The following TMEM74 variants were observed in gnomAD, a reference collection of about 807,000 sequenced individuals.
TMEM74 encodes transmembrane protein 74.
In TMEM74, 13 loss-of-function variants were observed where a neutral mutation model predicts 18.1. The ratio of observed to expected loss-of-function variants is 0.72; its 90% CI spans 0.47 to 1.14. The LOEUF is 1.14. Ranked by LOEUF, TMEM74 falls within the 50% of genes most tolerant of loss-of-function variation. The probability of loss-of-function intolerance (pLI) is 0.00; values close to 1 mark genes in which losing one functional copy is unlikely to be tolerated. For missense variants in TMEM74, 372 were observed against 375.9 expected (o/e 0.99, Z 0.09); for synonymous variants, 159 against 146.6 (o/e 1.08, Z -0.61).
At chr8:108,627,808 T>C (rs1211534235) in intron 2 of TMEM74, among the ~76,000 whole-genome samples, 1 of 151,932 alleles carries the variant, frequency 6.6e-6, no homozygotes, top group Non-Finnish European at 1.5e-5. Context: ...ATCCCAGCAG[T>C]TTGGGAAGCT....
At chr8:108,657,860 ATATATATATATATATATAT>A (rs1411937082) in intron 1 of TMEM74, among the ~76,000 whole-genome samples, 5 of 45,636 alleles carry the variant, frequency 1.1e-4, no homozygotes, top group African/African-American at 2.0e-4. Flanking sequence ...AAAAAAAAAA[ATATATATATATATATATAT>A]ATATATATAT....
intron 1 of TMEM74, among the ~76,000 whole-genome samples, chr8:108,737,471 A>G (rs533590986): frequency 3.3e-5 from 5 of 152,128 alleles, no homozygotes; most frequent in Admixed American, 6.5e-5. Flanking sequence ...ATTATTTAAA[A>G]CCCAAGCATA....
chr8:108,706,302 T>C (rs1448408711), intron 1 of TMEM74, among the ~76,000 whole-genome samples: 1 of 152,256 alleles, frequency 6.6e-6, no homozygotes, highest in Non-Finnish European at 1.5e-5. Flanking sequence ...AATTAAGTTT[T>C]CATTCTTTAA....
intron 1 of TMEM74, among the ~76,000 whole-genome samples, chr8:108,669,035 G>A (rs1812976614): frequency 6.6e-6 from 1 of 151,880 alleles, no homozygotes; most frequent in South Asian, 2.1e-4. Flanking sequence ...TTATGACCAG[G>A]GAATCTTGGT....
At chr8:108,758,204 C>T (rs1814000185) in intron 1 of TMEM74, among the ~76,000 whole-genome samples, 1 of 151,670 alleles carries the variant, frequency 6.6e-6, no homozygotes, top group South Asian at 2.1e-4. Context: ...CAAAATAAAA[C>T]AAAACAGAAC....
chr8:108,652,724 C>A, intron 2 of TMEM74: 1 of 535,756 alleles, frequency 1.9e-6, no homozygotes, highest in Non-Finnish European at 3.5e-6. Context: ...GATCTCTAAG[C>A]AAAGAGATTC....
intron 2 of TMEM74, among the ~76,000 whole-genome samples, chr8:108,654,591 G>C (rs1463574397): frequency 6.6e-6 from 1 of 152,090 alleles, no homozygotes; most frequent in Non-Finnish European, 1.5e-5. Context: ...CAAGAAGAAG[G>C]AGAAGACCAG....
intron 1 of TMEM74, among the ~76,000 whole-genome samples, chr8:108,705,012 C>A (rs1813383351): frequency 6.6e-6 from 1 of 152,188 alleles, no homozygotes; most frequent in Admixed American, 6.5e-5. Context: ...TGTATGAGGG[C>A]AAATTTTACA....
chr8:108,754,615 A>AAAGAAACAGAGCC (rs1813937449), intron 1 of TMEM74, among the ~76,000 whole-genome samples: 1 of 151,852 alleles, frequency 6.6e-6, no homozygotes, highest in African/African-American at 2.4e-5. Flanking sequence ...AGGGTTCTCC[A>AAAGAAACAGAGCC]AAGAAACAGA....
At chr8:108,676,275 C>T (rs879458442) in intron 1 of TMEM74, among the ~76,000 whole-genome samples, 1 of 152,136 alleles carries the variant, frequency 6.6e-6, no homozygotes, top group Non-Finnish European at 1.5e-5. Flanking sequence ...AAGAGCTGCC[C>T]ATCTGCTTCG....
intron 1 of TMEM74, among the ~76,000 whole-genome samples, chr8:108,753,823 T>C (rs1586285044): frequency 6.6e-6 from 1 of 152,118 alleles, no homozygotes; most frequent in Admixed American, 6.6e-5. Flanking sequence ...GTTCCTCTAC[T>C]CCTCTTTTAT....
chr8:108,624,617 T>C (rs1414121893), intron 2 of TMEM74, among the ~76,000 whole-genome samples: 2 of 152,092 alleles, frequency 1.3e-5, no homozygotes. Flanking sequence ...ATTTTAAACA[T>C]TTCAACAGTA....
chr8:108,679,403 G>A (rs1813089949), intron 1 of TMEM74, among the ~76,000 whole-genome samples: 1 of 152,142 alleles, frequency 6.6e-6, no homozygotes, highest in Non-Finnish European at 1.5e-5. Flanking sequence ...ATCCTCTCCA[G>A]CACCTGTTGT....
In TMEM74 at chr8:108,782,226, C is replaced by G. The variant is rs1814315748; in HGVS notation, c.*1955G>C. On this transcript the variant is annotated 3_prime_UTR_variant, in exon 2 of 2. Transcript: ENST00000297459. ...AAACCTTCAGAATATAAAACTTATA[C>G]CACTGGTAAGGCAGCCTCAACAAAA... Among the ~76,000 whole-genome samples, 1 of 152,066 alleles carries G rather than the reference C, an allele frequency of 6.6e-6. No individual in the cohort carries two copies. The highest frequency in any genetic ancestry group is 6.5e-5 in the Admixed American group (1 of 15,272).
intron 1 of TMEM74, among the ~76,000 whole-genome samples, chr8:108,733,275 G>C (rs988656729): frequency 6.6e-5 from 10 of 152,012 alleles, no homozygotes; most frequent in Admixed American, 1.3e-4. Context: ...GAGAACAATA[G>C]TTAAATAAAC....
At chr8:108,752,373 G>A (rs1400014701) in intron 1 of TMEM74, among the ~76,000 whole-genome samples, 1 of 152,084 alleles carries the variant, frequency 6.6e-6, no homozygotes, top group Non-Finnish European at 1.5e-5. Flanking sequence ...TGTGACGAGT[G>A]TCTAGCACAG....
At chr8:108,626,779 A>G (rs149738931) in intron 2 of TMEM74, 6 of 152,158 alleles carry the variant, frequency 3.9e-5, no homozygotes, top group South Asian at 4.1e-4. Flanking sequence ...CTGTCTATCT[A>G]TATATACAAC....
chr8:108,677,690 C>T (rs544044572), intron 1 of TMEM74, among the ~76,000 whole-genome samples: 1 of 152,152 alleles, frequency 6.6e-6, no homozygotes, highest in East Asian at 1.9e-4. Context: ...AAGAGGGAAA[C>T]TGACAAGTAA....
chr8:108,649,899 T>C lies in TMEM74; in HGVS notation n.264+5394A>G, dbSNP rs1274253497. Among the ~76,000 whole-genome samples the C allele has an allele frequency of 2.6e-5, 4 of 152,174 alleles. No individual in the cohort carries two copies. The South Asian group carries it at 6.2e-4, about 24-fold the overall frequency. On this transcript the variant is annotated intron_variant and non_coding_transcript_variant, in intron 2 of 3. Coordinates refer to the TMEM74 transcript ENST00000518838. ...CCTCAACCTTTTCTCTTTGAGTAGA[T>C]TATTTTGCCTCGGCTTTCATAGACA...
Sources: allele counts gnomAD v4.1 joint callset (sites outside exome capture counted in the v4.1 genomes callset), GRCh38; gene constraint gnomAD v4.1.1; transcripts MANE v1.5; gene names NCBI Gene and HGNC (gene_info 2026-07-23, HGNC 2026-07-21).